WDPCP: variants seen among roughly 807,000 people sequenced by gnomAD.
WDPCP encodes the protein WD repeat containing planar cell polarity effector.
WDPCP carries 71 observed loss-of-function variants against 93.1 expected under a neutral mutation model. That is an observed-to-expected ratio of 0.76 (90% CI 0.63 to 0.93). The LOEUF is 0.93. Ranked by LOEUF, WDPCP falls within the 40% of genes least tolerant of loss-of-function variation. WDPCP has a pLI of 0.00. For synonymous variants in WDPCP, 315 were observed against 315.0 expected (o/e 1.00, Z 0.00); for missense variants, 844 against 887.4 (o/e 0.95, Z 0.62).
At chr2:63,214,722 C>T (rs573931929) in intron 14 of WDPCP, among the ~76,000 whole-genome samples, 1 of 152,272 alleles carries the variant, frequency 6.6e-6, no homozygotes, top group South Asian at 2.1e-4. Context: ...ATTTAGAAAA[C>T]CCCATCATCT....
At chr2:63,218,720 C>T (rs1454941959) in intron 14 of WDPCP, among the ~76,000 whole-genome samples, 1 of 151,972 alleles carries the variant, frequency 6.6e-6, no homozygotes, top group Non-Finnish European at 1.5e-5. Context: ...TTAGTAGAGA[C>T]AGGGTTTCAC....
intron 6 of WDPCP, among the ~76,000 whole-genome samples, chr2:63,482,307 G>T (rs929613630): frequency 1.3e-5 from 2 of 152,052 alleles, no homozygotes; most frequent in African/African-American, 4.8e-5. Context: ...AAGACTGAGC[G>T]TCCAAACATG....
chr2:63,684,138 A>G (rs1239438524), intron 2 of WDPCP, among the ~76,000 whole-genome samples: 1 of 152,238 alleles, frequency 6.6e-6, no homozygotes, highest in African/African-American at 2.4e-5. Flanking sequence ...AGATACTTAC[A>G]GAACATTTCA....
intron 2 of WDPCP, among the ~76,000 whole-genome samples, chr2:63,791,313 A>G (rs1670542885): frequency 6.6e-6 from 1 of 152,208 alleles, no homozygotes. Flanking sequence ...TAACGCTGCC[A>G]TGTTGGCTCA....
At chr2:63,805,071 T>A (rs1670744892) in intron 2 of WDPCP, among the ~76,000 whole-genome samples, 1 of 152,092 alleles carries the variant, frequency 6.6e-6, no homozygotes, top group Non-Finnish European at 1.5e-5. Context: ...TGCCAGGGTG[T>A]CTCTGGCGGA....
At chr2:63,602,347 G>GTT (rs144884000) in intron 3 of WDPCP, among the ~76,000 whole-genome samples, 20 of 104,010 alleles carry the variant, frequency 1.9e-4, no homozygotes, top group African/African-American at 5.5e-4. Context: ...GTTGGTTGGG[G>GTT]TTTTTTTTTT....
chr2:63,347,835 T>C (rs1689305217), intron 12 of WDPCP, among the ~76,000 whole-genome samples: 1 of 151,686 alleles, frequency 6.6e-6, no homozygotes, highest in Admixed American at 6.6e-5. Flanking sequence ...CTCTTTGACT[T>C]ATATGTTAGG....
chr2:63,206,832 C>T (rs1296859112), intron 14 of WDPCP, among the ~76,000 whole-genome samples: 5 of 152,020 alleles, frequency 3.3e-5, no homozygotes, highest in Admixed American at 6.6e-5. Flanking sequence ...TTTTCATTTA[C>T]TGTGGTAAAA....
chr2:63,773,127 G>A (rs1378782131), intron 2 of WDPCP, among the ~76,000 whole-genome samples: 1 of 151,918 alleles, frequency 6.6e-6, no homozygotes, highest in Admixed American at 6.6e-5. Context: ...ATGTACATAT[G>A]TATGCCAAAA....
intron 15 of WDPCP, among the ~76,000 whole-genome samples, chr2:63,172,687 A>G (rs964544988): frequency 1.3e-5 from 2 of 152,246 alleles, no homozygotes; most frequent in Admixed American, 6.5e-5. Flanking sequence ...GAGAATGTCC[A>G]AACTTCAAAA....
At chr2:63,599,422 T>C in intron 3 of WDPCP, 1 of 897,330 alleles carries the variant, frequency 1.1e-6, no homozygotes, top group Non-Finnish European at 1.6e-6. Flanking sequence ...TTACTTTTAT[T>C]AAATTAAAAG....
chr2:63,473,123 G>A lies in WDPCP; in HGVS notation c.384+11481C>T, dbSNP rs546629664. On this transcript the variant is annotated intron_variant, in intron 6 of 17. Transcript: ENST00000272321. ...TTTACATGGGTAGGCTTGTTAACTT[G>A]AGCCTCATTGTAAGGAGGTTAGTTG... 6.4e-4 allele frequency among the ~76,000 whole-genome samples: 98 copies of A among 152,276 alleles called. 1 individual carries two copies. Among genetic ancestry groups the A allele is most frequent in the African/African-American group, 2.2e-3 (90 of 41,558 alleles).
At chr2:63,138,180 T>A (rs1352439632) in intron 17 of WDPCP, among the ~76,000 whole-genome samples, 1 of 151,264 alleles carries the variant, frequency 6.6e-6, no homozygotes, top group Non-Finnish European at 1.5e-5. Context: ...GCAGTGAGCA[T>A]CCTTATGATT....
chr2:63,126,274 A>G (rs1669896387), intron 17 of WDPCP, among the ~76,000 whole-genome samples: 1 of 152,214 alleles, frequency 6.6e-6, no homozygotes, highest in Non-Finnish European at 1.5e-5. Flanking sequence ...ATGCTGAAAA[A>G]GTGTTTCCAT....
At chr2:63,579,750 C>T (rs921920595) in intron 1 of WDPCP, among the ~76,000 whole-genome samples, 3 of 140,006 alleles carry the variant, frequency 2.1e-5, no homozygotes. Context: ...GGTAGGTAGG[C>T]AGGTAGGTAG....
At chr2:63,302,286 C>A (rs1412925305) in intron 13 of WDPCP, among the ~76,000 whole-genome samples, 1 of 152,032 alleles carries the variant, frequency 6.6e-6, no homozygotes, top group Non-Finnish European at 1.5e-5. Flanking sequence ...CAGAGAATAT[C>A]AAAGATGAGC....
intron 10 of WDPCP, among the ~76,000 whole-genome samples, chr2:63,402,729 G>A (rs995469582): frequency 1.2e-4 from 18 of 152,188 alleles, no homozygotes; most frequent in South Asian, 4.2e-4. Flanking sequence ...TGCAAGCTCC[G>A]CCTCCCAGGT....
At chr2:63,380,327 G>A (rs139199582) in intron 11 of WDPCP, among the ~76,000 whole-genome samples, 245 of 151,766 alleles carry the variant, frequency 1.6e-3, no homozygotes, top group African/African-American at 5.6e-3. Context: ...CAATATTATA[G>A]TAGTACCTTG....
intron 1 of WDPCP, among the ~76,000 whole-genome samples, chr2:63,503,119 C>A (rs967846779): frequency 1.3e-5 from 2 of 152,136 alleles, no homozygotes; most frequent in African/African-American, 4.8e-5. Flanking sequence ...GGGCATTGTT[C>A]AAACGGTTTA....
Sources: allele counts gnomAD v4.1 joint callset (sites outside exome capture counted in the v4.1 genomes callset), GRCh38; gene constraint gnomAD v4.1.1; transcripts MANE v1.5; gene names NCBI Gene and HGNC (gene_info 2026-07-23, HGNC 2026-07-21).